Variants in TAFA2 observed in about 807,000 individuals in gnomAD.
TAFA2 encodes TAFA chemokine like family member 2, also known as chemokine-like protein TAFA-2.
TAFA2 carries 7 observed loss-of-function variants against 18.8 expected under a neutral mutation model. The ratio of observed to expected loss-of-function variants is 0.37; its 90% CI spans 0.21 to 0.70. TAFA2 has a LOEUF of 0.70. Ranked by LOEUF, TAFA2 falls within the 30% of genes least tolerant of loss-of-function variation. The probability of loss-of-function intolerance (pLI) is 0.53; values close to 1 mark genes in which losing one functional copy is unlikely to be tolerated. For synonymous variants in TAFA2, 60 were observed against 54.2 expected (o/e 1.11, Z -0.47); for missense variants, 122 against 158.1 (o/e 0.77, Z 1.23).
At chr12:62,253,687 T>C (rs1366711302) in intron 1 of TAFA2, 3 of 152,232 alleles carry the variant, frequency 2.0e-5, no homozygotes, top group African/African-American at 4.8e-5. Flanking sequence ...CTCCTACTTT[T>C]AAGGATTCAT....
intron 1 of TAFA2, among the ~76,000 whole-genome samples, chr12:61,919,328 G>A (rs999499053): frequency 6.6e-6 from 1 of 151,992 alleles, no homozygotes; most frequent in Non-Finnish European, 1.5e-5. Flanking sequence ...ACTACCCCCT[G>A]CATTCTCACT....
intron 1 of TAFA2, among the ~76,000 whole-genome samples, chr12:62,055,331 T>A (rs1211557761): frequency 6.6e-6 from 1 of 152,218 alleles, no homozygotes; most frequent in African/African-American, 2.4e-5. Context: ...TTAGCCCATA[T>A]ACTTCAGAAT....
intron 1 of TAFA2, chr12:62,235,127 G>C (rs1485833984): frequency 1.5e-6 from 1 of 645,964 alleles, no homozygotes. Flanking sequence ...GCATTATCTG[G>C]GGCCCACTGA....
chr12:62,028,427 GGA>G (rs1284163781), intron 1 of TAFA2, among the ~76,000 whole-genome samples: 1 of 152,072 alleles, frequency 6.6e-6, no homozygotes, highest in East Asian at 1.9e-4. Context: ...AGTAAGCCTT[GGA>G]GAAAGAACTC....
chr12:61,783,660 A>T (rs1870602080), intron 2 of TAFA2, among the ~76,000 whole-genome samples: 1 of 151,654 alleles, frequency 6.6e-6, no homozygotes, highest in Non-Finnish European at 1.5e-5. Context: ...GATAGTGAGC[A>T]AGAAAACCTG....
Position 61,710,114 on chromosome 12 carries a change from C to A in TAFA2, c.*292G>T, listed in dbSNP as rs1869323893. The A allele has an allele frequency of 9.9e-6, 4 of 404,164 alleles. No individual in the cohort carries two copies. In the South Asian group the frequency reaches 1.8e-4, roughly 18 times the overall value. 25.0% of individuals were successfully genotyped at this position (404,164 alleles called of 1,614,324 possible). A position where few individuals can be genotyped will look rare whatever the true frequency, so the allele number is the denominator to read the frequency against. ...AAAGGTGACTGTCTCTAACATCACC[C>A]TGAAAAAAACAACTCTTCACCAGCT... On this transcript the variant is annotated 3_prime_UTR_variant, in exon 5 of 5. Transcript: ENST00000416284.
chr12:61,803,202 C>A (rs1871467391), intron 2 of TAFA2, among the ~76,000 whole-genome samples: 2 of 151,824 alleles, frequency 1.3e-5, no homozygotes, highest in South Asian at 4.1e-4. Context: ...AAATGACTGG[C>A]AATACTTACT....
chr12:62,041,352 T>A (rs1017775476), intron 1 of TAFA2, among the ~76,000 whole-genome samples: 5 of 152,166 alleles, frequency 3.3e-5, no homozygotes, highest in Non-Finnish European at 5.9e-5. Context: ...TGCATGGCAC[T>A]ATAACTGGCC....
chr12:61,801,154 T>C (rs1391056271), intron 2 of TAFA2, among the ~76,000 whole-genome samples: 1 of 152,126 alleles, frequency 6.6e-6, no homozygotes, highest in Non-Finnish European at 1.5e-5. Context: ...CCCATGTTCA[T>C]GAATTGGAAG....
At chr12:61,949,746 T>G (rs1009211118) in intron 1 of TAFA2, among the ~76,000 whole-genome samples, 1 of 152,124 alleles carries the variant, frequency 6.6e-6, no homozygotes, top group African/African-American at 2.4e-5. Context: ...TTTTAATATG[T>G]TTTTGGTTTT....
chr12:62,013,107 C>T (rs1416720176), intron 1 of TAFA2, among the ~76,000 whole-genome samples: 4 of 152,012 alleles, frequency 2.6e-5, no homozygotes, highest in Non-Finnish European at 4.4e-5. Context: ...ATTGAACATT[C>T]GTAGTTTATG....
Position 62,017,014 on chromosome 12 carries a change from T to C in TAFA2, c.-1-149588A>G, listed in dbSNP as rs557956990. On this transcript the variant is annotated intron_variant, in intron 1 of 4. Transcript: ENST00000416284. ...TTTAGCTGTATGATCTTAATGATAA[T>C]ACATAGCTAAATTACTGAGGGCTTA... 2.0e-5 allele frequency among the ~76,000 whole-genome samples: 3 copies of C among 152,278 alleles called. No homozygotes were observed. In the East Asian group the frequency reaches 5.8e-4, roughly 29 times the overall value.
chr12:61,737,101 C>A (rs61940888), intron 4 of TAFA2, among the ~76,000 whole-genome samples: 1 of 151,758 alleles, frequency 6.6e-6, no homozygotes, highest in Non-Finnish European at 1.5e-5. Flanking sequence ...ACACTACTAC[C>A]TTTGAGATAA....
intron 1 of TAFA2, among the ~76,000 whole-genome samples, chr12:61,900,312 A>G (rs1410217323): frequency 6.6e-6 from 1 of 152,182 alleles, no homozygotes; most frequent in Non-Finnish European, 1.5e-5. Context: ...CCTAATTTAC[A>G]TCCCCACCAG....
chr12:61,775,734 T>A (rs1870230055), intron 2 of TAFA2, among the ~76,000 whole-genome samples: 1 of 151,852 alleles, frequency 6.6e-6, no homozygotes, highest in African/African-American at 2.4e-5. Context: ...TTTGCCTAAA[T>A]CCATAGAATG....
intron 1 of TAFA2, among the ~76,000 whole-genome samples, chr12:61,997,161 GTA>G (rs202078533): frequency 0.085 from 9,421 of 110,764 alleles, 365 homozygotes; most frequent in Non-Finnish European, 0.12. Context: ...TAGACTATAT[GTA>G]TATATGTGTG....
intron 1 of TAFA2, among the ~76,000 whole-genome samples, chr12:62,170,375 G>A (rs1042233680): frequency 5.3e-5 from 8 of 152,186 alleles, no homozygotes; most frequent in South Asian, 2.1e-4. Context: ...TATGGCTAGC[G>A]TCAAGGTGCA....
intron 1 of TAFA2, among the ~76,000 whole-genome samples, chr12:62,121,411 T>C (rs1870190279): frequency 6.6e-6 from 1 of 152,212 alleles, no homozygotes; most frequent in African/African-American, 2.4e-5. Context: ...ATTGAGCCAG[T>C]GATTCAACTT....
At chr12:61,724,151 T>TCAGG (rs531924825) in intron 4 of TAFA2, among the ~76,000 whole-genome samples, 88 of 152,272 alleles carry the variant, frequency 5.8e-4, no homozygotes, top group African/African-American at 2.0e-3. Context: ...TCTCCTGCTT[T>TCAGG]ATTTTTCCTA....
Sources: gnomAD v4.1 joint callset for allele counts (sites outside exome capture counted in the v4.1 genomes callset) on GRCh38, gnomAD v4.1.1 for gene constraint, MANE v1.5 for transcripts, NCBI Gene and HGNC (gene_info 2026-07-23, HGNC 2026-07-21) for gene names.